The following IRS1 variants were observed in gnomAD, a reference collection of about 807,000 sequenced individuals.
IRS1 encodes insulin receptor substrate 1.
IRS1 carries 34 observed loss-of-function variants against 65.6 expected under a neutral mutation model. The ratio of observed to expected loss-of-function variants is 0.52; its 90% CI spans 0.39 to 0.69. The LOEUF is 0.69. IRS1 is among the 30% of genes least tolerant of loss of function. The pLI is 0.00. For synonymous variants in IRS1, 699 were observed against 683.5 expected, an observed-to-expected ratio of 1.02 and a Z score of -0.35; for missense variants, 1,641 against 1,720.2, an observed-to-expected ratio of 0.95 and a Z score of 0.81.
At chr2:226,781,627 C>T (rs1939384183) in intron 1 of IRS1, among the ~76,000 whole-genome samples, 1 of 152,102 alleles carries the variant, frequency 6.6e-6, no homozygotes, top group Non-Finnish European at 1.5e-5. Flanking sequence ...CAGCGAGCTT[C>T]AAGCTGGAGG....
At chr2:226,765,145 C>T (rs924092550) in intron 1 of IRS1, among the ~76,000 whole-genome samples, 2 of 151,994 alleles carry the variant, frequency 1.3e-5, no homozygotes, top group African/African-American at 4.8e-5. Flanking sequence ...GCTATGTTGC[C>T]CAGGTTGACT....
intron 1 of IRS1, among the ~76,000 whole-genome samples, chr2:226,748,085 A>T (rs1229007198): frequency 6.6e-6 from 1 of 151,544 alleles, no homozygotes; most frequent in Non-Finnish European, 1.5e-5. Context: ...TACGTGACCC[A>T]TTCATCACGC....
intron 1 of IRS1, among the ~76,000 whole-genome samples, chr2:226,754,610 G>A (rs1355528360): frequency 1.3e-5 from 2 of 152,130 alleles, no homozygotes; most frequent in Non-Finnish European, 2.9e-5. Flanking sequence ...AAAATTTATA[G>A]ACAATGCTAT....
At chr2:226,747,489 C>T (rs2106160916) in intron 1 of IRS1, among the ~76,000 whole-genome samples, 1 of 152,202 alleles carries the variant, frequency 6.6e-6, no homozygotes, top group African/African-American at 2.4e-5. Context: ...CACACCAAAC[C>T]AGGGTCTGTG....
intron 1 of IRS1, among the ~76,000 whole-genome samples, chr2:226,773,947 C>T (rs1018596843): frequency 6.6e-6 from 1 of 152,176 alleles, no homozygotes; most frequent in African/African-American, 2.4e-5. Flanking sequence ...TGGATAGTAG[C>T]TGCCCTTTTT....
At position 226,733,338 on chromosome 2, in the gene IRS1, T is replaced by C. The variant is rs921922840; in HGVS notation, c.*2934A>G. 3.3e-5 allele frequency: 5 copies of C among 152,092 alleles called. No homozygotes were observed. The highest frequency in any genetic ancestry group is 7.4e-5 in the Non-Finnish European group (5 of 68,020). The allele number at this position is 152,092 out of a possible 1,614,324, so 9.4% of individuals were successfully genotyped here. A position where few individuals can be genotyped will look rare whatever the true frequency, so the allele number is the denominator to read the frequency against. ...TTGCAGTCACTGGATTAGTCAAGAG[T>C]CCTTGACCTTTGAAAGTCAGCAAGA... On this transcript the variant is annotated 3_prime_UTR_variant, in exon 2 of 2. Coordinates refer to ENST00000305123, the MANE Select transcript of IRS1 (RefSeq NM_005544.3).
At chr2:226,773,645 G>A (rs553449925) in intron 1 of IRS1, among the ~76,000 whole-genome samples, 1 of 152,008 alleles carries the variant, frequency 6.6e-6, no homozygotes, top group South Asian at 2.1e-4. Context: ...AAAAGAATGG[G>A]ACTGTAGAGC....
chr2:226,770,364 G>A (rs977382046), intron 1 of IRS1, among the ~76,000 whole-genome samples: 2 of 152,166 alleles, frequency 1.3e-5, no homozygotes, highest in African/African-American at 4.8e-5. Flanking sequence ...ATGATACATT[G>A]TTCATAAACT....
Position 226,751,422 on chromosome 2 carries a change from T to C in IRS1, c.*22-15172A>G, listed in dbSNP as rs1011198955. On this transcript the variant is annotated intron_variant, in intron 1 of 1. Transcript: ENST00000305123. ...CCTCAGCCTCCCGAGTAGCTGGGAC[T>C]ACAGGCGCCTGCCACGACGCCCAGC... Among the ~76,000 whole-genome samples, 3 of 151,972 alleles carry C rather than the reference T, an allele frequency of 2.0e-5. No individual in the cohort carries two copies. The East Asian group carries it at 5.8e-4, about 30-fold the overall frequency.
rs3222009 is a variant in IRS1, at chr2:226,781,907, C to CAT, written c.*21+13081_*21+13082insAT. ...ACACACACACACACACACACACACACGTTTGGGCAAAAGGGAGTTTTAATT... is the reference window on the plus strand; with the variant it reads ...ACACACACACACACACACACACACACATGTTTGGGCAAAAGGGAGTTTTAATT... On this transcript the variant is annotated intron_variant, in intron 1 of 1. Coordinates refer to ENST00000305123, the MANE Select transcript of IRS1 (RefSeq NM_005544.3). Among the ~76,000 whole-genome samples the CAT allele has an allele frequency of 7.4e-4, 112 of 150,612 alleles. 2 individuals are homozygous for CAT. The highest frequency in any genetic ancestry group is 5.5e-3 in the East Asian group (28 of 5,134).
Position 226,796,473 on chromosome 2 carries a change from G to T in IRS1, c.2266C>A (p.Pro756Thr). 1 of 1,613,802 alleles carries T rather than the reference G, an allele frequency of 6.2e-7. No homozygotes were observed. Among genetic ancestry groups the T allele is most frequent in the Non-Finnish European group, 8.5e-7 (1 of 1,180,030 alleles). ...PSDCYYGPED[P>T]QHKPVLSYYS... ...TAGGAGAGGACTGGCTTGTGCTGGG[G>T]GTCCTCAGGGCCGTAGTAGCAGTCG... The change falls in exon 1 of 2, where the codon CCC becomes ACC. Residue 756 changes from proline to threonine, a missense_variant. By Grantham distance (38) the Pro-to-Thr change is conservative (BLOSUM62 -1). Around this residue, in one of 3 missense-constraint regions of IRS1, gnomAD observed 1,324 missense variants for 1,361.0 expected, o/e 0.97. Coordinates refer to ENST00000305123, the MANE Select transcript of IRS1 (RefSeq NM_005544.3).
intron 1 of IRS1, among the ~76,000 whole-genome samples, chr2:226,773,584 G>T (rs1443130453): frequency 6.6e-6 from 1 of 151,262 alleles, no homozygotes; most frequent in Non-Finnish European, 1.5e-5. Context: ...AAAAAGAAAA[G>T]ATTGTGTAGA....
At chr2:226,748,855 A>T (rs529731249) in intron 1 of IRS1, among the ~76,000 whole-genome samples, 1 of 152,340 alleles carries the variant, frequency 6.6e-6, no homozygotes, top group African/African-American at 2.4e-5. Flanking sequence ...GATTCTAAAA[A>T]TTAGACAATG....
chr2:226,790,330 AT>A (rs1939566174), intron 1 of IRS1, among the ~76,000 whole-genome samples: 2 of 151,188 alleles, frequency 1.3e-5, no homozygotes, highest in South Asian at 4.2e-4. Context: ...TGGAATTGTG[AT>A]TTAAAAAAAA....
intron 1 of IRS1, among the ~76,000 whole-genome samples, chr2:226,751,350 C>G (rs1209111421): frequency 1.5e-5 from 2 of 130,276 alleles, no homozygotes; most frequent in East Asian, 5.0e-4. Context: ...GTGGCGCAAT[C>G]TCGGCTCACT....
At position 226,797,499 on chromosome 2, in the gene IRS1, C is replaced by G. The variant is rs1939762471; in HGVS notation, c.1240G>C (p.Ala414Pro). The change falls in exon 1 of 2, where the codon GCT becomes CCT. Residue 414 changes from alanine (A) to proline (P), a missense_variant. Physicochemically the swap from Ala to Pro is conservative, Grantham distance 27. Transcript: ENST00000305123. The surrounding 1 kb of genome is among the most constrained non-coding windows in gnomAD (Gnocchi z 8.1). ...TCGCTGGGGGAACCAGACACCGAAG[C>G]ACTAGATCGCCGTGGGAAGAGACAA... ...SDCLFPRRSS[A>P]SVSGSPSDGG... 5.6e-6 allele frequency: 9 copies of G among 1,613,386 alleles called. No individual in the cohort carries two copies. In the East Asian group the frequency reaches 2.0e-4, roughly 36 times the overall value.
At chr2:226,748,597 C>G (rs1938606550) in intron 1 of IRS1, among the ~76,000 whole-genome samples, 1 of 151,996 alleles carries the variant, frequency 6.6e-6, no homozygotes, top group Admixed American at 6.6e-5. Flanking sequence ...GAGGTTTTCC[C>G]TACTTTATAA....
Position 226,798,557 on chromosome 2 carries a change from T to C in IRS1, c.182A>G (p.Lys61Arg). The C allele has an allele frequency of 6.2e-7, 1 of 1,613,866 alleles. No homozygotes were observed. Among genetic ancestry groups the C allele is most frequent in the Non-Finnish European group, 8.5e-7 (1 of 1,179,990 alleles). The change falls in exon 1 of 2, where the codon AAA (lysine) becomes AGA (arginine). Residue 61 changes from lysine to arginine, a missense_variant. By Grantham distance (26) the Lys-to-Arg change is conservative. This residue lies in a region of IRS1 where 240 missense variants were observed against 229.6 expected (regional missense o/e 1.05). Transcript: ENST00000305123. This position sits in a 1 kb window ranked among gnomAD's most constrained non-coding sequence, Gnocchi z 9.4. ...GCAGCTCTCAAGGGGGATCGAGCGT[T>C]TGGGGGCGCTCGACTTGTGCCGCCA... Reference protein sequence around the residue: ...KKWRHKSSAPKRSIPLESCFN... With the variant: ...KKWRHKSSAPRRSIPLESCFN...
Position 226,799,387 on chromosome 2 carries a change from T to TGCC in IRS1, c.-650_-649insGGC, listed in dbSNP as rs1553535510. The stretch of plus-strand genomic sequence containing the variant: ...CTGTTGCTGCTGCTGCTGCTGCTGC[T>TGCC]GCTGCCGCCGCCCGCGGGCGCGTCC... On this transcript the variant is annotated 5_prime_UTR_variant, in exon 1 of 2. Coordinates refer to ENST00000305123, the MANE Select transcript of IRS1 (RefSeq NM_005544.3). The surrounding 1 kb of genome is among the most constrained non-coding windows in gnomAD (Gnocchi z 6.1). 35 of 1,262,280 alleles carry TGCC rather than the reference T, an allele frequency of 2.8e-5. No homozygotes were observed. The highest frequency in any genetic ancestry group is 1.5e-4 in the African/African-American group (9 of 60,488). 78.2% of individuals were successfully genotyped at this position (1,262,280 alleles called of 1,614,324 possible).
Sources: gnomAD v4.1 joint callset for allele counts (sites outside exome capture counted in the v4.1 genomes callset) on GRCh38, gnomAD v4.1.1 for gene constraint, gnomAD v4.1.1 regional missense constraint, Gnocchi (gnomAD v3.1) non-coding constraint, MANE v1.5 for transcripts, NCBI Gene and HGNC (gene_info 2026-07-23, HGNC 2026-07-21) for gene names.